The following TMEM201 variants were observed in gnomAD, a reference collection of about 807,000 sequenced individuals.
TMEM201 encodes the protein RP13-15M17.2.
Under a neutral mutation model 63.4 loss-of-function variants are expected in TMEM201, and 26 were observed. The observed-to-expected ratio is 0.41, with a 90% CI of 0.30 to 0.57. The LOEUF (loss-of-function observed/expected upper bound fraction) is 0.57. Among genes scored for constraint, TMEM201 ranks in the 20% least tolerant of loss-of-function variants. TMEM201 has a pLI of 0.29. For synonymous variants in TMEM201, 417 were observed against 421.6 expected (o/e 0.99, Z 0.14); for missense variants, 794 against 917.7 (o/e 0.87, Z 1.74).
chr1:9,596,103 CG>C (rs1301309820), intron 2 of TMEM201, 93 bp downstream of exon 2: 7 of 1,504,244 alleles, frequency 4.7e-6, no homozygotes, highest in Non-Finnish European at 6.3e-6. Context: ...TGCCCTGCCC[CG>C]GGGCTCATGG....
chr1:9,596,618 G>A (rs895826038), intron 2 of TMEM201, among the ~76,000 whole-genome samples: 5 of 152,216 alleles, frequency 3.3e-5, no homozygotes, highest in African/African-American at 7.2e-5. Context: ...GGTGGGCGGC[G>A]GGCTGCAGGC....
chr1:9,593,608 A>G (rs1025433070), intron 1 of TMEM201, among the ~76,000 whole-genome samples: 1 of 152,166 alleles, frequency 6.6e-6, no homozygotes, highest in Non-Finnish European at 1.5e-5. Flanking sequence ...GCAACAGAGC[A>G]GGAGATTCAG....
chr1:9,593,623 G>A (rs958186015), intron 1 of TMEM201, among the ~76,000 whole-genome samples: 4 of 152,220 alleles, frequency 2.6e-5, no homozygotes, highest in Non-Finnish European at 2.9e-5. Flanking sequence ...ATTCAGAATG[G>A]AAACATGACT....
chr1:9,595,792 G>A, intron 1 of TMEM201, 98 bp from the exon 2 acceptor site: 1 of 1,561,324 alleles, frequency 6.4e-7, no homozygotes. Flanking sequence ...CCCACTCCCA[G>A]CACCCTTTCC....
Position 9,605,104 on chromosome 1 carries a change from C to A in TMEM201, c.1161-2453C>A. The A allele has an allele frequency of 1.4e-6, 1 of 733,728 alleles. No individual in the cohort carries two copies. Among genetic ancestry groups the A allele is most frequent in the Non-Finnish European group, 1.7e-6 (1 of 600,334 alleles). The allele number at this position is 733,728 out of a possible 1,614,324, so 45.5% of individuals were successfully genotyped here. ...GACAATGACACCAGCTGGCTCGGGG[C>A]CCGGCTCGCCTCCTCGCCTTTGCTG... On this transcript the variant is annotated intron_variant, in intron 6 of 10. Transcript: ENST00000340381. This position sits in a 1 kb window ranked among gnomAD's most constrained non-coding sequence, Gnocchi z 5.7.
In TMEM201 at chr1:9,610,691, C is replaced by T. The variant is rs1186608524; in HGVS notation, c.1651C>T (p.Pro551Ser). ...GTTCCCGTCACCCCCTGGAGAGGCC[C>T]CCACCACGCCCAGCAGCTCCGATGA... ...LLFPSPPGEA[P>S]TTPSSSDEHS... The change falls in exon 9 of 11, where the codon CCC becomes TCC. Residue 551 changes from proline (P) to serine (S), a missense_variant. Physicochemically the swap from Pro to Ser is moderately conservative, Grantham distance 74. Transcript: ENST00000340381. This position sits in a 1 kb window ranked among gnomAD's most constrained non-coding sequence, Gnocchi z 4.9. 1 of 1,550,568 alleles carries T rather than the reference C, an allele frequency of 6.4e-7. No homozygotes were observed. Among genetic ancestry groups the T allele is most frequent in the Non-Finnish European group, 8.7e-7 (1 of 1,146,898 alleles).
chr1:9,614,661 C>G lies in TMEM201; in HGVS notation c.*1578C>G, dbSNP rs1644366729. The G allele has an allele frequency of 6.6e-6, 1 of 152,138 alleles. No homozygotes were observed. The allele number at this position is 152,138 out of a possible 1,614,324, so 9.4% of individuals were successfully genotyped here. ...TTTTTGCTTAATCAAACTCCATTCC[C>G]AAATGCACTCCATCTCTGGCTCTGA... On this transcript the variant is annotated 3_prime_UTR_variant, in exon 11 of 11. Coordinates refer to ENST00000340381, the MANE Select transcript of TMEM201 (RefSeq NM_001130924.3).
chr1:9,588,986 G>T lies in TMEM201; in HGVS notation c.56G>T (p.Gly19Val). The change falls in exon 1 of 11, where the codon GGC becomes GTC. Residue 19 changes from glycine to valine, a missense_variant. Transcript: ENST00000340381. The stretch of plus-strand genomic sequence containing the variant: ...TGCCCCACGGCCGGCCTGGCCGGCG[G>T]CCTGGGGGTCACGGCGTGCGCCGCG... ...ARCPTAGLAG[G>V]LGVTACAAAG... 3 of 1,223,766 alleles carry T rather than the reference G, an allele frequency of 2.5e-6. No homozygotes were observed. Among genetic ancestry groups the T allele is most frequent in the Non-Finnish European group, 3.1e-6 (3 of 969,084 alleles). The allele number at this position is 1,223,766 out of a possible 1,614,324, so 75.8% of individuals were successfully genotyped here. A position where few individuals can be genotyped will look rare whatever the true frequency, so the allele number is the denominator to read the frequency against.
At chr1:9,593,176 C>T (rs746753204) in intron 1 of TMEM201, among the ~76,000 whole-genome samples, 6 of 152,200 alleles carry the variant, frequency 3.9e-5, no homozygotes, top group Non-Finnish European at 7.3e-5. Context: ...CTCAACAGGC[C>T]GGGCAGAGGC....
In TMEM201 at chr1:9,601,132, G is replaced by A. The variant is rs1644131351; in HGVS notation, c.634G>A (p.Val212Ile). 2 of 1,597,296 alleles carry A rather than the reference G, an allele frequency of 1.3e-6. No homozygotes were observed. The highest frequency in any genetic ancestry group is 1.7e-6 in the Non-Finnish European group (2 of 1,166,802). ...CTTCTCCTCCGCCGTGAAGTCCCCG[G>A]TCCAGGTCATCCTGCTCCGTGCCCT... ...QNFSSAVKSP[V>I]QVILLRALAF... Residue 212 changes from valine to isoleucine, a missense_variant, in exon 5 of 11, where the codon GTC becomes ATC. Coordinates refer to ENST00000340381, the MANE Select transcript of TMEM201 (RefSeq NM_001130924.3).
chr1:9,603,668 C>T lies in TMEM201; in HGVS notation c.1160+1396C>T. The T allele has an allele frequency of 1.0e-6, 1 of 985,446 alleles. No individual in the cohort carries two copies. The highest frequency in any genetic ancestry group is 4.7e-5 in the South Asian group (1 of 21,290). 61.0% of individuals were successfully genotyped at this position (985,446 alleles called of 1,614,324 possible). On this transcript the variant is annotated intron_variant, in intron 6 of 10. Transcript: ENST00000340381. The surrounding 1 kb of genome is among the most constrained non-coding windows in gnomAD (Gnocchi z 4.5). ...GGTCTGCCGGGATGGGTTGGGGGGG[C>T]AGGTGCCAGGCCTCACTGCTGTGAA...
In TMEM201 at chr1:9,613,153, C is replaced by G. The variant is rs1302106206; in HGVS notation, c.*70C>G. 8.8e-6 allele frequency: 13 copies of G among 1,480,424 alleles called. No individual in the cohort carries two copies. Among genetic ancestry groups the G allele is most frequent in the Non-Finnish European group, 1.2e-5 (13 of 1,092,310 alleles). 91.7% of individuals were successfully genotyped at this position (1,480,424 alleles called of 1,614,324 possible). A position where few individuals can be genotyped will look rare whatever the true frequency, so the allele number is the denominator to read the frequency against. Reference sequence around the variant, plus strand: ...GCTTCACCACTGCCGGCCTCAGGACCCTCCCTGGAGGGGCTGCCACCTCTG... The same window carrying G: ...GCTTCACCACTGCCGGCCTCAGGACGCTCCCTGGAGGGGCTGCCACCTCTG... On this transcript the variant is annotated 3_prime_UTR_variant, in exon 11 of 11. Coordinates refer to ENST00000340381, the MANE Select transcript of TMEM201 (RefSeq NM_001130924.3).
chr1:9,588,911 G>A lies in TMEM201; in HGVS notation c.-20G>A. ...CCGCCTACCCCCCTGCCGGCCTGCC[G>A]TCCTTCCACGCGGAGAGCCATGGAG... is the stretch of plus-strand genomic sequence containing the variant. On this transcript the variant is annotated 5_prime_UTR_variant, in exon 1 of 11. Transcript: ENST00000340381. 2 of 1,234,798 alleles carry A rather than the reference G, an allele frequency of 1.6e-6. No individual in the cohort carries two copies. The highest frequency in any genetic ancestry group is 2.1e-6 in the Non-Finnish European group (2 of 963,430). 76.5% of individuals were successfully genotyped at this position (1,234,798 alleles called of 1,614,324 possible). A position where few individuals can be genotyped will look rare whatever the true frequency, so the allele number is the denominator to read the frequency against.
chr1:9,603,666 G>A lies in TMEM201; in HGVS notation c.1160+1394G>A. ...TGGGTCTGCCGGGATGGGTTGGGGG[G>A]GCAGGTGCCAGGCCTCACTGCTGTG... On this transcript the variant is annotated intron_variant, in intron 6 of 10. Coordinates refer to ENST00000340381, the MANE Select transcript of TMEM201 (RefSeq NM_001130924.3). This position sits in a 1 kb window ranked among gnomAD's most constrained non-coding sequence, Gnocchi z 4.5. The A allele has an allele frequency of 8.1e-6, 8 of 985,452 alleles. No individual in the cohort carries two copies. Among genetic ancestry groups the A allele is most frequent in the Non-Finnish European group, 9.6e-6 (8 of 829,970 alleles). The allele number at this position is 985,452 out of a possible 1,614,324, so 61.0% of individuals were successfully genotyped here. A position where few individuals can be genotyped will look rare whatever the true frequency, so the allele number is the denominator to read the frequency against.
rs1394027032 is a variant in TMEM201 at position 9,604,736 on chromosome 1, C to T, written c.1160+2464C>T. 8.1e-6 allele frequency: 8 copies of T among 985,876 alleles called. No individual in the cohort carries two copies. Among genetic ancestry groups the T allele is most frequent in the Admixed American group, 1.2e-4 (2 of 16,262 alleles). The allele number at this position is 985,876 out of a possible 1,614,324, so 61.1% of individuals were successfully genotyped here. Reference sequence around the variant, plus strand: ...CTTGCCTGGGAGCAAACCGCCAGGACGCAGCCTCCACGCCGCACCTGCCAC... The same window carrying T: ...CTTGCCTGGGAGCAAACCGCCAGGATGCAGCCTCCACGCCGCACCTGCCAC... On this transcript the variant is annotated intron_variant, in intron 6 of 10. Transcript: ENST00000340381. The surrounding 1 kb of genome is among the most constrained non-coding windows in gnomAD (Gnocchi z 4.1).
rs1644164428 is a variant in TMEM201 at position 9,602,460 on chromosome 1, T to A, written c.1160+188T>A. On this transcript the variant is annotated intron_variant, in intron 6 of 10. Transcript: ENST00000340381. ...CCTCGAAGAGTCAGTCTGCCCTGCC[T>A]TTTCCTTTCGGGCACCACCAGCCAT... 5 of 1,421,864 alleles carry A rather than the reference T, an allele frequency of 3.5e-6. No homozygotes were observed. In the South Asian group the frequency reaches 7.3e-5, roughly 21 times the overall value. The allele number at this position is 1,421,864 out of a possible 1,614,324, so 88.1% of individuals were successfully genotyped here. A position where few individuals can be genotyped will look rare whatever the true frequency, so the allele number is the denominator to read the frequency against.
intron 9 of TMEM201, chr1:9,611,139 A>G: frequency 8.8e-7 from 1 of 1,130,958 alleles, no homozygotes; most frequent in Non-Finnish European, 1.2e-6. Flanking sequence ...AAATGTTTAT[A>G]GTTAGCCCCC....
At chr1:9,598,128 T>C (rs1335359206) in intron 3 of TMEM201, among the ~76,000 whole-genome samples, 1 of 152,136 alleles carries the variant, frequency 6.6e-6, no homozygotes, top group Non-Finnish European at 1.5e-5. Context: ...TCACCCACCT[T>C]CTTGGAGCTC....
Position 9,610,732 on chromosome 1 carries a change from C to T in TMEM201, c.1692C>T (p.Asn564=), listed in dbSNP as rs765663219. The stretch of plus-strand genomic sequence containing the variant: ...GCTCCGATGAGCACTCGCCTCACAA[C>T]GGCAGCCTCTTCACCATGGAGCCGC... ...PSSSDEHSPH[N]GSLFTMEPPH... Residue 564 remains asparagine, a synonymous_variant, in exon 9 of 11, where the codon AAC becomes AAT. Coordinates refer to ENST00000340381, the MANE Select transcript of TMEM201 (RefSeq NM_001130924.3). The surrounding 1 kb of genome is among the most constrained non-coding windows in gnomAD (Gnocchi z 4.9). 4.5e-5 allele frequency: 69 copies of T among 1,550,398 alleles called. No homozygotes were observed. The highest frequency in any genetic ancestry group is 7.3e-5 in the East Asian group (3 of 40,912).
Sources: allele counts gnomAD v4.1 joint callset (sites outside exome capture counted in the v4.1 genomes callset), GRCh38; gene constraint gnomAD v4.1.1; non-coding constraint Gnocchi (gnomAD v3.1); transcripts MANE v1.5; gene names NCBI Gene and HGNC (gene_info 2026-07-23, HGNC 2026-07-21).